Variants in PLBD1 observed in about 807,000 individuals in gnomAD.
PLBD1 encodes the protein lysosomal leucine aminopeptidase.
Under a neutral mutation model 63.0 loss-of-function variants are expected in PLBD1, and 60 were observed. The observed-to-expected ratio is 0.95, with a 90% CI of 0.77 to 1.18. PLBD1 has a LOEUF of 1.18. Among genes scored for constraint, PLBD1 ranks in the 50% most tolerant of loss-of-function variants. The probability of loss-of-function intolerance (pLI) is 0.00; values close to 1 mark genes in which losing one functional copy is unlikely to be tolerated. For synonymous variants in PLBD1, 262 were observed against 248.0 expected, an observed-to-expected ratio of 1.06 and a Z score of -0.53; for missense variants, 598 against 677.9, an observed-to-expected ratio of 0.88 and a Z score of 1.31.
chr12:14,556,600 C>T (rs1189261737), intron 1 of PLBD1, among the ~76,000 whole-genome samples: 1 of 151,094 alleles, frequency 6.6e-6, no homozygotes, highest in Non-Finnish European at 1.5e-5. Context: ...AACTCCCAAC[C>T]TCAGGTGATC....
intron 6 of PLBD1, among the ~76,000 whole-genome samples, chr12:14,528,592 G>A (rs1479029588): frequency 6.6e-6 from 1 of 152,062 alleles, no homozygotes; most frequent in Non-Finnish European, 1.5e-5. Context: ...CAAAAGTAGT[G>A]CTTATTGGAA....
chr12:14,550,596 T>C (rs1342239249), intron 2 of PLBD1, among the ~76,000 whole-genome samples: 3 of 151,920 alleles, frequency 2.0e-5, no homozygotes, highest in Non-Finnish European at 4.4e-5. Flanking sequence ...AATAAAAAAT[T>C]AGGCTGGGTG....
intron 6 of PLBD1, among the ~76,000 whole-genome samples, chr12:14,519,373 C>A (rs1945359063): frequency 6.6e-6 from 1 of 152,120 alleles, no homozygotes; most frequent in African/African-American, 2.4e-5. Context: ...GTAATCCCAG[C>A]ACTTTGGGAG....
chr12:14,544,635 T>TTTATCTC (rs1047556753), intron 2 of PLBD1, among the ~76,000 whole-genome samples: 1 of 152,188 alleles, frequency 6.6e-6, no homozygotes, highest in Non-Finnish European at 1.5e-5. Flanking sequence ...TTTTTACCCC[T>TTTATCTC]TTATCTCTTT....
intron 1 of PLBD1, among the ~76,000 whole-genome samples, chr12:14,566,140 C>T (rs1010377604): frequency 6.6e-6 from 1 of 152,186 alleles, no homozygotes; most frequent in African/African-American, 2.4e-5. Context: ...AAGCTACCTC[C>T]ACTTTTGGGA....
At position 14,506,827 on chromosome 12, in the gene PLBD1, T is replaced by TA. The variant is rs1338021267; in HGVS notation, c.1372+105_1372+106insT. 60 of 973,768 alleles carry TA rather than the reference T, an allele frequency of 6.2e-5. 3 individuals are homozygous for TA. Among genetic ancestry groups the TA allele is most frequent in the South Asian group, 1.9e-4 (9 of 47,610 alleles). 60.3% of individuals were successfully genotyped at this position (973,768 alleles called of 1,614,324 possible). A position where few individuals can be genotyped will look rare whatever the true frequency, so the allele number is the denominator to read the frequency against. On this transcript the variant is annotated intron_variant, in intron 9 of 10. Coordinates refer to ENST00000240617, the MANE Select transcript of PLBD1 (RefSeq NM_024829.6). ...ATATTAGTTAAATACTTAAATAACT[T>TA]CTTATAATTCCTTCTAGTACAGAGA...
intron 3 of PLBD1, among the ~76,000 whole-genome samples, chr12:14,541,582 T>A (rs1433336250): frequency 1.3e-5 from 2 of 152,228 alleles, no homozygotes; most frequent in Non-Finnish European, 2.9e-5. Flanking sequence ...CATTGCTTCA[T>A]GGGATCTAGC....
intron 1 of PLBD1, 198 bp from the exon 2 acceptor site, chr12:14,553,610 A>C: frequency 3.3e-6 from 2 of 604,596 alleles, no homozygotes; most frequent in Admixed American, 2.9e-5. Flanking sequence ...ATAAGCCCAA[A>C]ACACAAAGAG....
intron 1 of PLBD1, among the ~76,000 whole-genome samples, chr12:14,561,481 G>A (rs1945741842): frequency 6.6e-6 from 1 of 152,124 alleles, no homozygotes; most frequent in African/African-American, 2.4e-5. Context: ...GAGAGGTGGA[G>A]TCTCACATTT....
chr12:14,550,362 C>G (rs1227421343), intron 2 of PLBD1, among the ~76,000 whole-genome samples: 2 of 152,332 alleles, frequency 1.3e-5, no homozygotes, highest in East Asian at 1.9e-4. Context: ...GACTCAGATG[C>G]TCAAAGCCTG....
At chr12:14,529,015 G>A (rs73060656) in intron 6 of PLBD1, among the ~76,000 whole-genome samples, 1,720 of 152,054 alleles carry the variant, frequency 0.011, 17 homozygotes, top group South Asian at 0.03. Context: ...AGCTTCACGC[G>A]TGAATTCTAT....
At chr12:14,526,977 TAAAAGAA>T (rs1945421219) in intron 6 of PLBD1, among the ~76,000 whole-genome samples, 1 of 151,884 alleles carries the variant, frequency 6.6e-6, no homozygotes, top group East Asian at 1.9e-4. Context: ...CATCTCAAAA[TAAAAGAA>T]AAAAGAAAAA....
intron 10 of PLBD1, among the ~76,000 whole-genome samples, chr12:14,504,635 G>A (rs1027968815): frequency 6.6e-6 from 1 of 152,180 alleles, no homozygotes; most frequent in Non-Finnish European, 1.5e-5. Flanking sequence ...AATGCTCAAA[G>A]TAATGCCTAG....
chr12:14,539,429 T>A (rs1209416071), intron 4 of PLBD1, among the ~76,000 whole-genome samples: 1 of 151,632 alleles, frequency 6.6e-6, no homozygotes, highest in African/African-American at 2.4e-5. Flanking sequence ...ATATTTATCA[T>A]CTATATATAT....
chr12:14,516,388 G>A (rs1196808776), intron 6 of PLBD1, among the ~76,000 whole-genome samples: 1 of 152,090 alleles, frequency 6.6e-6, no homozygotes, highest in Non-Finnish European at 1.5e-5. Context: ...AGATTTTGCT[G>A]CTTAGACCAC....
chr12:14,540,075 T>A (rs1945557914), intron 4 of PLBD1, among the ~76,000 whole-genome samples: 1 of 93,460 alleles, frequency 1.1e-5, no homozygotes, highest in African/African-American at 3.9e-5. Context: ...CTGGTCAAAA[T>A]AGGCAAAAAG....
chr12:14,503,785 A>G lies in PLBD1; in HGVS notation c.1649T>C (p.Leu550Pro). Residue 550 changes from leucine (L) to proline (P), a missense_variant, in exon 11 of 11, where the codon CTT becomes CCT. Transcript: ENST00000240617. Reference protein sequence around the residue: ...DFITMKPILKLDIK With the variant: ...DFITMKPILKPDIK Reference sequence around the variant, plus strand: ...CATCTCCCTCCTTCATTTTATATCAAGTTTCAAAATTGGTTTCATGGTAAT... The same window carrying G: ...CATCTCCCTCCTTCATTTTATATCAGGTTTCAAAATTGGTTTCATGGTAAT... The G allele has an allele frequency of 6.2e-7, 1 of 1,612,880 alleles. No individual in the cohort carries two copies. Among genetic ancestry groups the G allele is most frequent in the African/African-American group, 1.3e-5 (1 of 74,956 alleles).
intron 6 of PLBD1, among the ~76,000 whole-genome samples, chr12:14,514,183 T>A (rs1309474316): frequency 1.3e-5 from 2 of 152,178 alleles, no homozygotes; most frequent in South Asian, 4.1e-4. Flanking sequence ...GGTTTAACAG[T>A]ACTCTTGAAT....
Position 14,567,842 on chromosome 12 carries a change from G to T in PLBD1, c.-146C>A. On this transcript the variant is annotated 5_prime_UTR_variant, in exon 1 of 11. Transcript: ENST00000240617. ...CTCAACTTTCCTCTTTCTTGAGCCC[G>T]GCCTGCTCCGGGCTCTGAGGGGCGA... is the stretch of plus-strand genomic sequence containing the variant. 3 of 1,150,812 alleles carry T rather than the reference G, an allele frequency of 2.6e-6. No individual in the cohort carries two copies. Among genetic ancestry groups the T allele is most frequent in the South Asian group, 2.1e-5 (1 of 47,736 alleles). The allele number at this position is 1,150,812 out of a possible 1,614,324, so 71.3% of individuals were successfully genotyped here.
Sources: allele counts gnomAD v4.1 joint callset (sites outside exome capture counted in the v4.1 genomes callset), GRCh38; gene constraint gnomAD v4.1.1; transcripts MANE v1.5; gene names NCBI Gene and HGNC (gene_info 2026-07-23, HGNC 2026-07-21).